The following FAM131A variants were observed in gnomAD, a reference collection of about 807,000 sequenced individuals.
FAM131A encodes family with sequence similarity 131 member A.
FAM131A carries 24 observed loss-of-function variants against 39.2 expected under a neutral mutation model. The ratio of observed to expected loss-of-function variants is 0.61; its 90% CI spans 0.44 to 0.86. FAM131A has a LOEUF of 0.86. Ranked by LOEUF, FAM131A falls within the 40% of genes least tolerant of loss-of-function variation. The pLI is 0.00. For missense variants in FAM131A, 373 were observed against 481.2 expected (o/e 0.78, Z 2.10); for synonymous variants, 202 against 206.8 (o/e 0.98, Z 0.20).
rs755496468 is a variant in FAM131A at position 184,344,730 on chromosome 3, C to A, written c.861C>A (p.Pro287=). 5.6e-6 allele frequency: 9 copies of A among 1,612,280 alleles called. No individual in the cohort carries two copies. The highest frequency in any genetic ancestry group is 2.2e-5 in the East Asian group (1 of 44,884). The change falls in exon 6 of 6, where the codon CCC becomes CCA. Residue 287 remains proline, a synonymous_variant. Coordinates refer to ENST00000383847, the MANE Select transcript of FAM131A (RefSeq NM_144635.5). ...AGCTGCTTCTCGCCAAACTGCCCCC[C>A]AGCCGGGAAAGTGCCTTCCGCAGCC... ...GDELLLAKLP[P]SRESAFRSLG... is the part of the protein sequence containing the mutation.
At chr3:184,338,662 C>G in intron 2 of FAM131A, 133 bp downstream of exon 2, 1 of 1,208,314 alleles carries the variant, frequency 8.3e-7, no homozygotes, top group Non-Finnish European at 1.1e-6. Flanking sequence ...CGGCGGCGGG[C>G]CGGGAGGCCG....
At chr3:184,343,121 T>G in intron 5 of FAM131A, 1 of 29,778 alleles carries the variant, frequency 3.4e-5, no homozygotes, top group Non-Finnish European at 5.5e-5. Flanking sequence ...CTTGCAGTCC[T>G]CAAAAAAAAA....
Position 184,346,134 on chromosome 3 carries a change from T to TACC in FAM131A, c.*1164_*1165insACC, listed in dbSNP as rs1727649407. On this transcript the variant is annotated 3_prime_UTR_variant, in exon 6 of 6. Coordinates refer to ENST00000383847, the MANE Select transcript of FAM131A (RefSeq NM_144635.5). This position sits in a 1 kb window ranked among gnomAD's most constrained non-coding sequence, Gnocchi z 6.0. ...TTTAGAATTAAGGGCCTTGTAGGCT[T>TACC]TGGCAGGTAAGAGGGCCCAAGGTAA... 5.2e-6 allele frequency: 1 copy of TACC among 191,508 alleles called. No homozygotes were observed. The highest frequency in any genetic ancestry group is 1.1e-5 in the Non-Finnish European group (1 of 91,182). The allele number at this position is 191,508 out of a possible 1,614,324, so 11.9% of individuals were successfully genotyped here.
At position 184,345,280 on chromosome 3, in the gene FAM131A, C is replaced by T. The variant is rs749816232; in HGVS notation, c.*310C>T. 10 of 527,544 alleles carry T rather than the reference C, an allele frequency of 1.9e-5. No homozygotes were observed. The highest frequency in any genetic ancestry group is 4.6e-5 in the South Asian group (2 of 43,220). The allele number at this position is 527,544 out of a possible 1,614,324, so 32.7% of individuals were successfully genotyped here. ...AAATGCCACACACACATTTCCTCCT[C>T]GGATAATGTGAACCACTAAGGGGGT... On this transcript the variant is annotated 3_prime_UTR_variant, in exon 6 of 6. Transcript: ENST00000383847.
In FAM131A at chr3:184,342,370, C is replaced by G; in HGVS notation, c.508+122C>G. 8.4e-7 allele frequency: 1 copy of G among 1,195,814 alleles called. No homozygotes were observed. Among genetic ancestry groups the G allele is most frequent in the Non-Finnish European group, 1.1e-6 (1 of 883,482 alleles). 74.1% of individuals were successfully genotyped at this position (1,195,814 alleles called of 1,614,324 possible). ...TCGCCCAGGCTGGAGTGCAGTGATG[C>G]AATCTCAGCTCACTGCAACCTCTGC... is the stretch of plus-strand genomic sequence containing the variant. On this transcript the variant is annotated intron_variant, in intron 4 of 5. Transcript: ENST00000383847. This position sits in a 1 kb window ranked among gnomAD's most constrained non-coding sequence, Gnocchi z 4.6.
At position 184,342,411 on chromosome 3, in the gene FAM131A, G is replaced by A. The variant is rs1410263931; in HGVS notation, c.508+163G>A. On this transcript the variant is annotated intron_variant, in intron 4 of 5. Transcript: ENST00000383847. The surrounding 1 kb of genome is among the most constrained non-coding windows in gnomAD (Gnocchi z 4.6). ...CAACCTCTGCCACCCCAGTTCAAGC[G>A]ATTCTCCTGCCTCAGCCTCCCAAGT... Among the ~76,000 whole-genome samples, 3 of 152,118 alleles carry A rather than the reference G, an allele frequency of 2.0e-5. No individual in the cohort carries two copies. Among genetic ancestry groups the A allele is most frequent in the African/African-American group, 7.2e-5 (3 of 41,416 alleles).
upstream of FAM131A, among the ~76,000 whole-genome samples, chr3:184,336,612 A>C (rs1727117724): frequency 6.6e-6 from 1 of 152,174 alleles, no homozygotes; most frequent in African/African-American, 2.4e-5. This position sits in a 1 kb window ranked among gnomAD's most constrained non-coding sequence, Gnocchi z 5.5. Context: ...TAAGCACCCT[A>C]CCACAGAATT....
chr3:184,339,141 A>G (rs775489683), intron 2 of FAM131A: 1 of 152,966 alleles, frequency 6.5e-6, no homozygotes, highest in Admixed American at 6.5e-5. Context: ...GGGGCTTGTC[A>G]GGGAGCCCTG....
At chr3:184,336,526 A>C (rs1022075514), upstream of FAM131A, among the ~76,000 whole-genome samples, 2 of 152,112 alleles carry the variant, frequency 1.3e-5, no homozygotes, top group Admixed American at 1.3e-4. The surrounding 1 kb of genome is among the most constrained non-coding windows in gnomAD (Gnocchi z 5.5). Flanking sequence ...CAGTCCTGGG[A>C]GTGGCCCTGT....
chr3:184,343,993 C>CT (rs3064290), intron 5 of FAM131A, among the ~76,000 whole-genome samples: 24 of 150,970 alleles, frequency 1.6e-4, no homozygotes, highest in Admixed American at 2.0e-4. Flanking sequence ...GTGTGCCAGA[C>CT]TTTTTTTTTG....
At chr3:184,339,538 G>A (rs139990699) in intron 2 of FAM131A, 13,364 of 152,358 alleles carry the variant, frequency 0.088, 811 homozygotes, top group African/African-American at 0.17. Flanking sequence ...TCGGCTCACC[G>A]CAGCCTCTGC....
chr3:184,338,369 C>T lies in FAM131A; in HGVS notation c.89-18C>T, dbSNP rs941823463. 17 of 1,430,646 alleles carry T rather than the reference C, an allele frequency of 1.2e-5. No individual in the cohort carries two copies. The highest frequency in any genetic ancestry group is 1.5e-5 in the Non-Finnish European group (16 of 1,095,258). 88.6% of individuals were successfully genotyped at this position (1,430,646 alleles called of 1,614,324 possible). On this transcript the variant is annotated intron_variant, in intron 1 of 5. Coordinates refer to ENST00000383847, the MANE Select transcript of FAM131A (RefSeq NM_144635.5). Reference sequence around the variant, plus strand: ...AGAAGTAGGGGCACAGCTCAACAGCCTTTCCCCTTCCTCTCAGTGTCCTCG... The same window carrying T: ...AGAAGTAGGGGCACAGCTCAACAGCTTTTCCCCTTCCTCTCAGTGTCCTCG...
chr3:184,342,028 G>T lies in FAM131A; in HGVS notation c.326-38G>T, dbSNP rs368157317. On this transcript the variant is annotated intron_variant, in intron 3 of 5. Coordinates refer to ENST00000383847, the MANE Select transcript of FAM131A (RefSeq NM_144635.5). This position sits in a 1 kb window ranked among gnomAD's most constrained non-coding sequence, Gnocchi z 4.6. ...CCCTGCACCTGTGCTCCCTGGCCTG[G>T]TCCTTTACCAGGCTTCTCCACCCTC... is the stretch of plus-strand genomic sequence containing the variant. 1.2e-6 allele frequency: 2 copies of T among 1,613,456 alleles called. No homozygotes were observed. The highest frequency in any genetic ancestry group is 1.7e-6 in the Non-Finnish European group (2 of 1,179,554).
chr3:184,341,577 T>A, intron 2 of FAM131A, 147 bp from the exon 3 acceptor site: 1 of 653,264 alleles, frequency 1.5e-6, no homozygotes, highest in Non-Finnish European at 2.7e-6. Flanking sequence ...CTTCTTATCA[T>A]CTTACATTTC....
chr3:184,344,528 T>C lies in FAM131A; in HGVS notation c.659T>C (p.Leu220Pro). Reference protein sequence around the residue: ...MAGQLPLGPHLQDLFTGHRFS... With the variant: ...MAGQLPLGPHPQDLFTGHRFS... ...GGGCAGCTGCCCCTGGGGCCGCACC[T>C]CCAGGACCTGTTCACCGGCCACCGG... Residue 220 changes from leucine (L) to proline (P), a missense_variant, in exon 6 of 6, where the codon CTC (leucine) becomes CCC (proline). Leu to Pro is a moderately conservative substitution (Grantham distance 98, BLOSUM62 -3). This residue lies in a region of FAM131A where 221 missense variants were observed against 347.7 expected (regional missense o/e 0.64). Coordinates refer to ENST00000383847, the MANE Select transcript of FAM131A (RefSeq NM_144635.5). 4.5e-6 allele frequency: 7 copies of C among 1,567,700 alleles called. No individual in the cohort carries two copies. The highest frequency in any genetic ancestry group is 6.1e-6 in the Non-Finnish European group (7 of 1,155,380).
In FAM131A at chr3:184,344,859, A is replaced by T. The variant is rs1277151591; in HGVS notation, c.990A>T (p.Pro330=). 6.2e-7 allele frequency: 1 copy of T among 1,610,764 alleles called. No homozygotes were observed. The highest frequency in any genetic ancestry group is 8.5e-7 in the Non-Finnish European group (1 of 1,179,812). ...CAGCCCCCTGCAAGGACTGCCAGCC[A>T]CTCTGCCCACCACTAACGGGCAGCT... is the stretch of plus-strand genomic sequence containing the variant. ...EEPAPCKDCQ[P]LCPPLTGSWE... The change falls in exon 6 of 6, where the codon CCA becomes CCT. Residue 330 remains proline (P), a synonymous_variant. Coordinates refer to ENST00000383847, the MANE Select transcript of FAM131A (RefSeq NM_144635.5).
Position 184,345,017 on chromosome 3 carries a change from G to T in FAM131A, c.*47G>T. 6.9e-7 allele frequency: 1 copy of T among 1,454,302 alleles called. No homozygotes were observed. The highest frequency in any genetic ancestry group is 1.4e-5 in the South Asian group (1 of 72,152). The allele number at this position is 1,454,302 out of a possible 1,614,324, so 90.1% of individuals were successfully genotyped here. A position where few individuals can be genotyped will look rare whatever the true frequency, so the allele number is the denominator to read the frequency against. On this transcript the variant is annotated 3_prime_UTR_variant, in exon 6 of 6. Transcript: ENST00000383847. Reference sequence around the variant, plus strand: ...GCATGCATCCCCCGGCTGCTGCCAGGGGCAGAGCCTCTGTGCCCAAGTGTG... The same window carrying T: ...GCATGCATCCCCCGGCTGCTGCCAGTGGCAGAGCCTCTGTGCCCAAGTGTG...
chr3:184,343,533 C>T (rs762468299), intron 5 of FAM131A, among the ~76,000 whole-genome samples: 6 of 152,208 alleles, frequency 3.9e-5, no homozygotes, highest in Non-Finnish European at 8.8e-5. Context: ...TTCCCCACAA[C>T]CTCTTTGCCT....
At chr3:184,341,281 G>A (rs1727365502) in intron 2 of FAM131A, 1 of 217,976 alleles carries the variant, frequency 4.6e-6, no homozygotes, top group Non-Finnish European at 9.3e-6. Flanking sequence ...GAAGGTGTGG[G>A]GGTTTGGTTT....
Sources: allele counts gnomAD v4.1 joint callset (sites outside exome capture counted in the v4.1 genomes callset), GRCh38; gene constraint gnomAD v4.1.1; regional missense constraint gnomAD v4.1.1; non-coding constraint Gnocchi (gnomAD v3.1); transcripts MANE v1.5; gene names NCBI Gene and HGNC (gene_info 2026-07-23, HGNC 2026-07-21).